TBC1D14: variants seen among roughly 807,000 people sequenced by gnomAD.
TBC1D14 encodes the protein TBC1 domain family, member 14.
Under a neutral mutation model 79.0 loss-of-function variants are expected in TBC1D14, and 26 were observed. That is an observed-to-expected ratio of 0.33 (90% confidence interval 0.24 to 0.46). The LOEUF (loss-of-function observed/expected upper bound fraction) is 0.46, where lower values mean the gene tolerates loss of function less well. Among genes scored for constraint, TBC1D14 ranks in the 20% least tolerant of loss-of-function variants. The pLI is 1.00. For missense variants in TBC1D14, 769 were observed against 887.6 expected (o/e 0.87, Z 1.70); for synonymous variants, 394 against 349.9 (o/e 1.13, Z -1.40).
chr4:7,008,637 T>A (rs567934363), intron 9 of TBC1D14, among the ~76,000 whole-genome samples: 2 of 152,158 alleles, frequency 1.3e-5, no homozygotes, highest in East Asian at 3.8e-4. Context: ...GGTCTCGAAC[T>A]CCTGACCTCG....
intron 1 of TBC1D14, among the ~76,000 whole-genome samples, chr4:6,914,087 C>A (rs1419077290): frequency 6.7e-6 from 1 of 149,902 alleles, no homozygotes; most frequent in Non-Finnish European, 1.5e-5. Flanking sequence ...TTGCAGTGAA[C>A]CAAGATCATA....
chr4:6,959,502 C>T (rs1267340592), intron 2 of TBC1D14, among the ~76,000 whole-genome samples: 3 of 152,018 alleles, frequency 2.0e-5, no homozygotes, highest in Non-Finnish European at 4.4e-5. Context: ...GGCTCACAGC[C>T]GGCTGCTGCT....
intron 2 of TBC1D14, among the ~76,000 whole-genome samples, chr4:6,954,708 C>A (rs1293491545): frequency 6.6e-6 from 1 of 152,262 alleles, no homozygotes; most frequent in Non-Finnish European, 1.5e-5. Context: ...TCACGCGATT[C>A]TCCTGCCTCA....
chr4:6,924,227 A>G (rs1724098305), intron 2 of TBC1D14, 116 bp downstream of exon 2: 12 of 1,384,928 alleles, frequency 8.7e-6, no homozygotes, highest in Non-Finnish European at 9.5e-6. Context: ...ACTGTCTCAC[A>G]CAGATAATTG....
chr4:6,917,868 C>A (rs185769171), intron 1 of TBC1D14, among the ~76,000 whole-genome samples: 1 of 152,150 alleles, frequency 6.6e-6, no homozygotes, highest in Non-Finnish European at 1.5e-5. Context: ...CGGCTTCTGC[C>A]CTAGTGGCAC....
At chr4:6,911,958 A>T (rs1233198149) in intron 1 of TBC1D14, among the ~76,000 whole-genome samples, 2 of 151,932 alleles carry the variant, frequency 1.3e-5, no homozygotes, top group South Asian at 2.1e-4. Flanking sequence ...CTTTAAAAAA[A>T]TTTTTTTTTA....
intron 1 of TBC1D14, among the ~76,000 whole-genome samples, chr4:6,920,556 G>A (rs1723769334): frequency 6.6e-6 from 1 of 152,144 alleles, no homozygotes; most frequent in Non-Finnish European, 1.5e-5. Flanking sequence ...AGCAGGAGTG[G>A]TTATCATTCT....
chr4:7,024,260 TGCCTGCAGTTCAGGG>T (rs1489852007), intron 12 of TBC1D14, among the ~76,000 whole-genome samples: 2 of 152,180 alleles, frequency 1.3e-5, no homozygotes, highest in African/African-American at 4.8e-5. Flanking sequence ...CCGAGTCCAG[TGCCTGCAGTTCAGGG>T]GCTTTGTGGG....
At chr4:7,017,356 A>G (rs1018341211) in intron 12 of TBC1D14, among the ~76,000 whole-genome samples, 2 of 152,166 alleles carry the variant, frequency 1.3e-5, no homozygotes, top group African/African-American at 4.8e-5. Context: ...TGCCTTGGCC[A>G]AGGTCCTGAT....
chr4:7,027,820 TAC>T (rs1308072983), intron 13 of TBC1D14, among the ~76,000 whole-genome samples: 3 of 120,554 alleles, frequency 2.5e-5, no homozygotes, highest in East Asian at 5.6e-4. Flanking sequence ...CACCCTTAAA[TAC>T]ACAGTCACCC....
chr4:6,953,041 T>TC (rs35819089), intron 2 of TBC1D14, among the ~76,000 whole-genome samples: 8 of 146,224 alleles, frequency 5.5e-5, no homozygotes, highest in Admixed American at 1.4e-4. Context: ...TTTTTTTTTT[T>TC]CTGAGACAGA....
intron 11 of TBC1D14, among the ~76,000 whole-genome samples, chr4:7,012,036 T>C (rs1019057835): frequency 5.3e-5 from 8 of 151,634 alleles, no homozygotes; most frequent in Admixed American, 1.3e-4. Flanking sequence ...CATGGTGGCT[T>C]ACGCCTGTAA....
intron 2 of TBC1D14, among the ~76,000 whole-genome samples, chr4:6,963,308 G>C (rs1337323244): frequency 6.6e-6 from 1 of 152,244 alleles, no homozygotes; most frequent in African/African-American, 2.4e-5. Context: ...GCATCTGAAG[G>C]TCAAAGGGTG....
chr4:6,960,405 T>G (rs538137985), intron 2 of TBC1D14, among the ~76,000 whole-genome samples: 2 of 152,142 alleles, frequency 1.3e-5, no homozygotes, highest in Non-Finnish European at 2.9e-5. Context: ...CCCGTGCCTT[T>G]TGCTACCCAA....
intron 2 of TBC1D14, among the ~76,000 whole-genome samples, chr4:6,927,643 A>T (rs1007782956): frequency 2.2e-4 from 33 of 152,184 alleles, no homozygotes; most frequent in African/African-American, 6.8e-4. Flanking sequence ...GTTTTGGGGT[A>T]GATGCGTCTT....
At chr4:6,986,712 T>G (rs1717863178) in intron 3 of TBC1D14, among the ~76,000 whole-genome samples, 1 of 152,190 alleles carries the variant, frequency 6.6e-6, no homozygotes, top group South Asian at 2.1e-4. Flanking sequence ...AGACTGTTTT[T>G]AAAAACCTGA....
At chr4:6,916,757 C>T (rs1334457177) in intron 1 of TBC1D14, among the ~76,000 whole-genome samples, 1 of 152,204 alleles carries the variant, frequency 6.6e-6, no homozygotes, top group Non-Finnish European at 1.5e-5. Context: ...TCCTCTTATC[C>T]GTACTTCACA....
intron 5 of TBC1D14, among the ~76,000 whole-genome samples, chr4:6,998,546 C>CT (rs11458209): frequency 0.1 from 14,724 of 147,816 alleles, 1,159 homozygotes; most frequent in African/African-American, 0.22. Flanking sequence ...TTTTTTCTTT[C>CT]TTTTTTTTTT....
At chr4:6,927,815 G>A (rs565016369) in intron 2 of TBC1D14, among the ~76,000 whole-genome samples, 10 of 152,350 alleles carry the variant, frequency 6.6e-5, no homozygotes, top group South Asian at 4.1e-4. Context: ...CAGCCTTTGA[G>A]AATAAGTGTT....
Sources: allele counts gnomAD v4.1 joint callset (sites outside exome capture counted in the v4.1 genomes callset), GRCh38; gene constraint gnomAD v4.1.1; transcripts MANE v1.5; gene names NCBI Gene and HGNC (gene_info 2026-07-23, HGNC 2026-07-21).